The following DNAH7 variants were observed in gnomAD, a reference collection of about 807,000 sequenced individuals.
The protein encoded by DNAH7 is dynein axonemal heavy chain 7, also known as axonemal beta dynein heavy chain 7.
DNAH7 carries 397 observed loss-of-function variants against 444.6 expected under a neutral mutation model. The ratio of observed to expected loss-of-function variants is 0.89; its 90% CI spans 0.82 to 0.97. The LOEUF is 0.97. Among genes scored for constraint, DNAH7 ranks in the 50% least tolerant of loss-of-function variants. DNAH7 has a pLI of 0.00. For missense variants in DNAH7, 4,902 were observed against 4,800.8 expected (o/e 1.02, Z -0.62); for synonymous variants, 1,636 against 1,624.4 (o/e 1.01, Z -0.17).
Position 195,756,141 on chromosome 2 carries a change from A to G in DNAH7, c.11578T>C (p.Phe3860Leu), listed in dbSNP as rs1274290506. The change falls in exon 62 of 65, where the codon TTC becomes CTC. Residue 3860 changes from phenylalanine (F) to leucine (L), a missense_variant. Phe to Leu is a conservative substitution (Grantham distance 22). Transcript: ENST00000312428. ...CATTTAGACGAACTTACCTGCAAGA[A>G]TTTTAGTCTTGCAAGGAAGTCATTC... ...YVNDFLARLK[F>L]LQQWYEVGPP... The G allele has an allele frequency of 4.4e-6, 7 of 1,596,794 alleles. No homozygotes were observed. In the East Asian group the frequency reaches 1.3e-4, roughly 31 times the overall value.
chr2:196,023,960 A>C (rs1695530091), intron 8 of DNAH7, among the ~76,000 whole-genome samples: 1 of 152,204 alleles, frequency 6.6e-6, no homozygotes, highest in Non-Finnish European at 1.5e-5. Context: ...AGGAGTCAGA[A>C]CACACACAAC....
At chr2:195,987,215 A>G in intron 13 of DNAH7, 22 bp from the exon 14 acceptor site, 1 of 1,521,626 alleles carries the variant, frequency 6.6e-7, no homozygotes, top group Non-Finnish European at 8.8e-7. Flanking sequence ...TAAAAGTTTA[A>G]TCAACATAAG....
chr2:195,985,276 T>C (rs976100340), intron 14 of DNAH7, among the ~76,000 whole-genome samples: 5 of 152,102 alleles, frequency 3.3e-5, no homozygotes, highest in Non-Finnish European at 7.4e-5. Flanking sequence ...TTCAGTAAGA[T>C]TGGCTGAAAG....
At chr2:196,045,190 AAGGAGGAGGAAAAGG>A (rs1697031612) in intron 5 of DNAH7, among the ~76,000 whole-genome samples, 1 of 143,098 alleles carries the variant, frequency 7.0e-6, no homozygotes, top group South Asian at 2.3e-4. Flanking sequence ...AGAAGAGGAG[AAGGAGGAGGAAAAGG>A]AGGAGGAGGA....
At chr2:195,759,219 G>C (rs879741532) in intron 61 of DNAH7, among the ~76,000 whole-genome samples, 2 of 152,130 alleles carry the variant, frequency 1.3e-5, no homozygotes, top group Admixed American at 1.3e-4. Context: ...CAGTAGGATG[G>C]GGCACCGGGA....
intron 63 of DNAH7, among the ~76,000 whole-genome samples, chr2:195,742,095 T>C (rs1017138316): frequency 2.0e-5 from 3 of 152,178 alleles, no homozygotes; most frequent in African/African-American, 7.2e-5. Context: ...ACTGCCAGTG[T>C]ATAACTCTGG....
At chr2:195,807,618 T>C (rs1310984922) in intron 53 of DNAH7, among the ~76,000 whole-genome samples, 2 of 152,178 alleles carry the variant, frequency 1.3e-5, no homozygotes, top group Non-Finnish European at 2.9e-5. Context: ...CTTGAGAATG[T>C]GTGTAATGAA....
chr2:196,049,186 C>A (rs1440616742), intron 3 of DNAH7, among the ~76,000 whole-genome samples: 1 of 152,166 alleles, frequency 6.6e-6, no homozygotes, highest in Non-Finnish European at 1.5e-5. Context: ...GTACTGGCTT[C>A]TCTTTCTGCC....
rs770564417 is a variant in DNAH7, at chr2:196,027,974, C to T, written c.472G>A (p.Glu158Lys). 1 of 1,612,316 alleles carries T rather than the reference C, an allele frequency of 6.2e-7. No individual in the cohort carries two copies. The highest frequency in any genetic ancestry group is 1.1e-5 in the South Asian group (1 of 90,822). Reference sequence around the variant, plus strand: ...TGGCCAGTTACCAAGATGTCTTTCTCTATAGCAGAAGCGGTCGGTTTTGGA... The same window carrying T: ...TGGCCAGTTACCAAGATGTCTTTCTTTATAGCAGAAGCGGTCGGTTTTGGA... ...TIPKPTASAI[E>K]KDILRYYYYI... The change falls in exon 6 of 65, where the codon GAG becomes AAG. Residue 158 changes from glutamate to lysine, a missense_variant. By Grantham distance (56) the Glu-to-Lys change is moderately conservative. Coordinates refer to ENST00000312428, the MANE Select transcript of DNAH7 (RefSeq NM_018897.3).
intron 15 of DNAH7, among the ~76,000 whole-genome samples, chr2:195,983,695 C>T (rs1041353326): frequency 1.3e-5 from 2 of 152,154 alleles, no homozygotes; most frequent in Non-Finnish European, 2.9e-5. Flanking sequence ...ATAGAAGTAA[C>T]ATGAGAAATG....
intron 53 of DNAH7, among the ~76,000 whole-genome samples, chr2:195,807,457 T>C (rs1696766528): frequency 6.6e-6 from 1 of 152,152 alleles, no homozygotes; most frequent in Non-Finnish European, 1.5e-5. Context: ...TGCTCCCAGC[T>C]GGAACAAAAA....
chr2:195,824,895 C>A (rs1178148175), intron 48 of DNAH7: 3 of 152,802 alleles, frequency 2.0e-5, no homozygotes, highest in Non-Finnish European at 4.4e-5. Flanking sequence ...AAATGGAAAA[C>A]TGCTCCTAAT....
intron 24 of DNAH7, among the ~76,000 whole-genome samples, chr2:195,915,541 G>GA (rs1406692981): frequency 2.0e-5 from 3 of 152,182 alleles, no homozygotes; most frequent in African/African-American, 7.2e-5. Flanking sequence ...CCAATGAGAA[G>GA]AAAAGAGTAT....
intron 36 of DNAH7, among the ~76,000 whole-genome samples, chr2:195,880,340 T>C (rs934570684): frequency 2.7e-5 from 4 of 150,686 alleles, no homozygotes; most frequent in Non-Finnish European, 5.9e-5. Flanking sequence ...CTTTTTTTTT[T>C]TTTTTTGAGA....
At chr2:195,756,696 A>AT (rs1336941605) in intron 61 of DNAH7, among the ~76,000 whole-genome samples, 2 of 152,004 alleles carry the variant, frequency 1.3e-5, no homozygotes, top group African/African-American at 4.8e-5. Flanking sequence ...TACTTTAAAA[A>AT]TTTTTTTGTA....
chr2:195,951,392 G>C (rs1367969030), intron 19 of DNAH7, among the ~76,000 whole-genome samples: 3 of 152,170 alleles, frequency 2.0e-5, no homozygotes, highest in Admixed American at 2.0e-4. Context: ...ACTGTGATAT[G>C]GTACTGAGAA....
At position 195,824,295 on chromosome 2, in the gene DNAH7, T is replaced by C; in HGVS notation, c.9251A>G (p.Lys3084Arg). The C allele has an allele frequency of 6.2e-7, 1 of 1,613,594 alleles. No homozygotes were observed. Among genetic ancestry groups the C allele is most frequent in the South Asian group, 1.1e-5 (1 of 90,956 alleles). The change falls in exon 49 of 65, where the codon AAG (lysine) becomes AGG (arginine). Residue 3084 changes from lysine to arginine, a missense_variant. Physicochemically the swap from Lys to Arg is conservative, Grantham distance 26. Coordinates refer to ENST00000312428, the MANE Select transcript of DNAH7 (RefSeq NM_018897.3). ...APDFRFYITT[K>R]LRNPHYLPET... ...AGGAAGATAATGAGGATTTCTTAAC[T>C]TGGTAGTAATATAGAAGCGGAAGTC...
At chr2:195,827,589 T>C (rs79853894) in intron 48 of DNAH7, among the ~76,000 whole-genome samples, 396 of 152,266 alleles carry the variant, frequency 2.6e-3, no homozygotes, top group Non-Finnish European at 4.6e-3. Flanking sequence ...GCCTATTTTA[T>C]TTTATTTTTT....
At chr2:196,036,656 C>T (rs764749741) in intron 5 of DNAH7, among the ~76,000 whole-genome samples, 3 of 152,188 alleles carry the variant, frequency 2.0e-5, no homozygotes, top group Non-Finnish European at 4.4e-5. Flanking sequence ...ACTGCAGATG[C>T]TGCCAGTGCC....
Sources: gnomAD v4.1 joint callset for allele counts (sites outside exome capture counted in the v4.1 genomes callset) on GRCh38, gnomAD v4.1.1 for gene constraint, MANE v1.5 for transcripts, NCBI Gene and HGNC (gene_info 2026-07-23, HGNC 2026-07-21) for gene names.